The following TYW1 variants were observed in gnomAD, a reference collection of about 807,000 sequenced individuals.
TYW1 encodes the protein S-adenosyl-L-methionine-dependent tRNA 4-demethylwyosine synthase TYW1.
In TYW1, 46 loss-of-function variants were observed where a neutral mutation model predicts 96.2. The ratio of observed to expected loss-of-function variants is 0.48; its 90% CI spans 0.38 to 0.61. TYW1 has a LOEUF of 0.61. Among genes scored for constraint, TYW1 ranks in the 20% least tolerant of loss-of-function variants. The pLI is 0.00. For missense variants in TYW1, 684 were observed against 909.6 expected (o/e 0.75, Z 3.19); for synonymous variants, 274 against 323.0 (o/e 0.85, Z 1.63).
chr7:67,148,779 C>A (rs1798695671), intron 13 of TYW1, among the ~76,000 whole-genome samples: 1 of 152,118 alleles, frequency 6.6e-6, no homozygotes, highest in African/African-American at 2.4e-5. Flanking sequence ...AATGGATTTT[C>A]ACCTAGCAGA....
intron 3 of TYW1, among the ~76,000 whole-genome samples, chr7:67,003,271 G>A (rs1032595050): frequency 6.6e-6 from 1 of 152,074 alleles, no homozygotes; most frequent in Admixed American, 6.6e-5. Context: ...CCTTCCAATT[G>A]CTTGGTCCAA....
intron 13 of TYW1, among the ~76,000 whole-genome samples, chr7:67,140,343 A>C (rs1226437589): frequency 6.6e-6 from 1 of 151,918 alleles, no homozygotes. Context: ...TCCCACTTAC[A>C]TAATGGTGTG....
intron 14 of TYW1, among the ~76,000 whole-genome samples, chr7:67,186,137 A>C (rs1187980075): frequency 6.9e-6 from 1 of 145,184 alleles, no homozygotes; most frequent in East Asian, 2.0e-4. Context: ...CCAACATCAG[A>C]GATTAGTGGT....
At chr7:67,155,238 A>G (rs187106247) in intron 13 of TYW1, among the ~76,000 whole-genome samples, 130 of 152,242 alleles carry the variant, frequency 8.5e-4, no homozygotes, top group Non-Finnish European at 1.7e-3. Context: ...GTGATCCCCA[A>G]TGTTGGAGGT....
At chr7:67,147,000 T>A (rs1584618492) in intron 13 of TYW1, among the ~76,000 whole-genome samples, 2 of 152,228 alleles carry the variant, frequency 1.3e-5, no homozygotes, top group South Asian at 2.1e-4. Context: ...TCTTTTAAAA[T>A]TATTTGCATA....
intron 13 of TYW1, among the ~76,000 whole-genome samples, chr7:67,166,165 TG>T (rs1269112179): frequency 6.6e-6 from 1 of 150,884 alleles, no homozygotes; most frequent in East Asian, 1.9e-4. Context: ...GATAATCTTT[TG>T]AGGAGCCCAG....
chr7:67,136,876 G>A (rs1798277327), intron 13 of TYW1, among the ~76,000 whole-genome samples: 1 of 152,040 alleles, frequency 6.6e-6, no homozygotes, highest in Admixed American at 6.6e-5. Flanking sequence ...AGGCTGGAGT[G>A]CAGTGGCATA....
intron 14 of TYW1, among the ~76,000 whole-genome samples, chr7:67,185,488 T>A (rs1799990022): frequency 6.6e-6 from 1 of 152,126 alleles, no homozygotes; most frequent in Admixed American, 6.5e-5. Flanking sequence ...AACATTTTGC[T>A]AGATTATAGG....
In TYW1 at chr7:67,098,736, T is replaced by C; in HGVS notation, c.1562+18T>C. On this transcript the variant is annotated intron_variant, in intron 12 of 15. Transcript: ENST00000359626. ...GAAATCAGGTGAGTTCTCCAGCCTA[T>C]GGAGAGATGCTGCTTGAATCTATGT... is the stretch of plus-strand genomic sequence containing the variant. The C allele has an allele frequency of 1.3e-6, 2 of 1,589,348 alleles. No individual in the cohort carries two copies. Among genetic ancestry groups the C allele is most frequent in the African/African-American group, 2.7e-5 (2 of 73,840 alleles).
intron 12 of TYW1, among the ~76,000 whole-genome samples, chr7:67,101,864 A>T (rs1797098035): frequency 6.6e-6 from 1 of 152,224 alleles, no homozygotes; most frequent in African/African-American, 2.4e-5. Flanking sequence ...AATAATATGA[A>T]AATCAGTGTA....
At chr7:67,017,749 C>G in intron 5 of TYW1, 104 bp from the exon 6 acceptor site, 20 of 1,471,332 alleles carry the variant, frequency 1.4e-5, no homozygotes, top group South Asian at 5.5e-5. Context: ...TTAGCGGCAG[C>G]CCATGACCAG....
chr7:67,192,555 T>A (rs1361996578), intron 14 of TYW1, among the ~76,000 whole-genome samples: 1 of 152,240 alleles, frequency 6.6e-6, no homozygotes, highest in African/African-American at 2.4e-5. Context: ...AGTACACTTT[T>A]ATGACTAATG....
chr7:67,238,132 G>C (rs13230118), intron 15 of TYW1, among the ~76,000 whole-genome samples, 176 bp from the exon 16 acceptor site: 38,048 of 147,888 alleles, frequency 0.26, 5,322 homozygotes, highest in African/African-American at 0.35. Context: ...GCGCATCTTG[G>C]TTTGATAGGA....
chr7:67,009,300 T>TA (rs2129239260), intron 3 of TYW1, among the ~76,000 whole-genome samples: 1 of 152,306 alleles, frequency 6.6e-6, no homozygotes, highest in African/African-American at 2.4e-5. Context: ...GCCTGGCTGA[T>TA]ATGTTTACTC....
chr7:67,171,574 A>G (rs1259271311), intron 13 of TYW1, among the ~76,000 whole-genome samples: 1 of 152,156 alleles, frequency 6.6e-6, no homozygotes, highest in African/African-American at 2.4e-5. Flanking sequence ...AGAGATGTGT[A>G]CAAATGTTCC....
chr7:67,098,389 C>A, intron 11 of TYW1, 152 bp from the exon 12 acceptor site: 1 of 506,672 alleles, frequency 2.0e-6, no homozygotes, highest in Non-Finnish European at 3.6e-6. Context: ...TTTAATAATT[C>A]TAGTCCTGCC....
At chr7:67,123,052 T>A (rs2116009552) in intron 13 of TYW1, among the ~76,000 whole-genome samples, 1 of 152,338 alleles carries the variant, frequency 6.6e-6, no homozygotes, top group Non-Finnish European at 1.5e-5. Context: ...TATCTTCTTC[T>A]TTCCTTTGCT....
chr7:66,998,225 G>A (rs1793261923), intron 2 of TYW1, 30 bp downstream of exon 2: 1 of 1,583,478 alleles, frequency 6.3e-7, no homozygotes, highest in Non-Finnish European at 8.5e-7. Context: ...TTTTAATGGA[G>A]TATTTAGGCA....
At chr7:67,028,238 CAA>C (rs58455978) in intron 7 of TYW1, among the ~76,000 whole-genome samples, 1,095 of 105,426 alleles carry the variant, frequency 0.01, 9 homozygotes, top group Non-Finnish European at 0.017. Flanking sequence ...GACTCTGTCT[CAA>C]AAAAAAAAAA....
Sources: allele counts gnomAD v4.1 joint callset (sites outside exome capture counted in the v4.1 genomes callset), GRCh38; gene constraint gnomAD v4.1.1; transcripts MANE v1.5; gene names NCBI Gene and HGNC (gene_info 2026-07-23, HGNC 2026-07-21).